AGBL1: variants seen among roughly 807,000 people sequenced by gnomAD.
AGBL1 encodes cytosolic carboxypeptidase 4.
AGBL1 carries 130 observed loss-of-function variants against 118.9 expected under a neutral mutation model. That is an observed-to-expected ratio of 1.09 (90% CI 0.95 to 1.26). The LOEUF is 1.26. Among genes scored for constraint, AGBL1 ranks in the 50% most tolerant of loss-of-function variants. The probability of loss-of-function intolerance (pLI) is 0.00; values close to 1 mark genes in which losing one functional copy is unlikely to be tolerated. For missense variants in AGBL1, 1,584 were observed against 1,298.1 expected (o/e 1.22, Z -3.38); for synonymous variants, 555 against 478.9 (o/e 1.16, Z -2.08).
At chr15:86,184,738 C>T (rs1366684004) in intron 5 of AGBL1, among the ~76,000 whole-genome samples, 1 of 152,110 alleles carries the variant, frequency 6.6e-6, no homozygotes, top group Non-Finnish European at 1.5e-5. Context: ...TCAATGCCAT[C>T]CTCATCAAGC....
At chr15:86,978,608 C>G (rs745573071) in intron 23 of AGBL1, among the ~76,000 whole-genome samples, 11 of 152,084 alleles carry the variant, frequency 7.2e-5, no homozygotes, top group African/African-American at 2.7e-4. Flanking sequence ...GAAACCTAGC[C>G]CCACCAAAGG....
rs75980506 is a variant in AGBL1, at chr15:86,994,311, CTA to C, written c.3323+6235_3323+6236del. On this transcript the variant is annotated intron_variant, in intron 24 of 24. Transcript: ENST00000441037. ...ACAACAAGGGAATATCTCTCTCTCTCTATATATATATATCCTGGCCTGTGATC... is the reference window on the plus strand; with the variant it reads ...ACAACAAGGGAATATCTCTCTCTCTCTATATATATATCCTGGCCTGTGATC... Among the ~76,000 whole-genome samples the C allele has an allele frequency of 7.0e-5, 10 of 143,448 alleles. No homozygotes were observed. In the South Asian group the frequency reaches 1.5e-3, roughly 22 times the overall value. The allele number at this position is 143,448 out of a possible 152,430, so 94.1% of individuals were successfully genotyped here. A position where few individuals can be genotyped will look rare whatever the true frequency, so the allele number is the denominator to read the frequency against.
At chr15:86,935,216 G>T (rs1348890948) in intron 23 of AGBL1, 1 of 152,126 alleles carries the variant, frequency 6.6e-6, no homozygotes, top group African/African-American at 2.4e-5. Flanking sequence ...GTCAGGTCTT[G>T]TTGTGACCCC....
intron 22 of AGBL1, among the ~76,000 whole-genome samples, chr15:86,777,139 T>C (rs2078268524): frequency 1.3e-5 from 2 of 152,086 alleles, no homozygotes; most frequent in African/African-American, 4.8e-5. Context: ...CCCAGCACCA[T>C]CACCAGTTTT....
At chr15:86,651,871 C>A (rs2085376659) in intron 21 of AGBL1, among the ~76,000 whole-genome samples, 1 of 152,190 alleles carries the variant, frequency 6.6e-6, no homozygotes, top group Non-Finnish European at 1.5e-5. Flanking sequence ...GTTGCCCCAT[C>A]TGAGACACTG....
chr15:86,265,567 C>T (rs1001713408), intron 11 of AGBL1, among the ~76,000 whole-genome samples: 4 of 152,188 alleles, frequency 2.6e-5, no homozygotes, highest in African/African-American at 4.8e-5. Context: ...TTATTATCCA[C>T]GTCATCTGTA....
intron 18 of AGBL1, among the ~76,000 whole-genome samples, chr15:86,464,608 T>C (rs1177208476): frequency 1.3e-5 from 2 of 152,178 alleles, no homozygotes; most frequent in Non-Finnish European, 2.9e-5. Context: ...TTTTGAGATA[T>C]GTTCCATCAA....
chr15:86,115,654 G>T (rs1235891652), intron 1 of AGBL1, among the ~76,000 whole-genome samples: 1 of 152,216 alleles, frequency 6.6e-6, no homozygotes, highest in Non-Finnish European at 1.5e-5. Flanking sequence ...TCTTCTCATT[G>T]GTGCCTCATT....
chr15:86,493,510 G>A (rs915826419), intron 18 of AGBL1, among the ~76,000 whole-genome samples: 1 of 152,014 alleles, frequency 6.6e-6, no homozygotes, highest in Non-Finnish European at 1.5e-5. Context: ...TACAGAGAAG[G>A]ACAACCTTTT....
rs984453459 is a variant in AGBL1 at position 86,452,688 on chromosome 15, G to A, written c.2555+55142G>A. Reference sequence around the variant, plus strand: ...CAACTCAGTGATGGTAAACACCAACGTTCTTACTGAATGAAACAAAATATT... The same window carrying A: ...CAACTCAGTGATGGTAAACACCAACATTCTTACTGAATGAAACAAAATATT... On this transcript the variant is annotated intron_variant, in intron 18 of 22. Transcript: ENST00000614907. 5.9e-5 allele frequency among the ~76,000 whole-genome samples: 9 copies of A among 152,218 alleles called. No individual in the cohort carries two copies. The South Asian group carries it at 1.9e-3, about 32-fold the overall frequency.
chr15:86,562,038 G>C (rs142776353), intron 21 of AGBL1, among the ~76,000 whole-genome samples: 3,630 of 152,250 alleles, frequency 0.024, 66 homozygotes, highest in Middle Eastern at 0.075. Context: ...TGCTTATCAG[G>C]TTAAGGAGAT....
At chr15:86,353,790 A>G (rs1331949089) in intron 17 of AGBL1, among the ~76,000 whole-genome samples, 2 of 152,206 alleles carry the variant, frequency 1.3e-5, no homozygotes, top group Non-Finnish European at 2.9e-5. Context: ...GAATGGGAGT[A>G]AAATTAGAAA....
intron 23 of AGBL1, among the ~76,000 whole-genome samples, chr15:86,976,071 A>G (rs965145042): frequency 9.9e-5 from 15 of 152,066 alleles, no homozygotes; most frequent in African/African-American, 3.4e-4. Context: ...TATTCATTGT[A>G]GAAAGTTTTA....
At chr15:86,529,819 A>G (rs1436581552) in intron 19 of AGBL1, among the ~76,000 whole-genome samples, 1 of 150,716 alleles carries the variant, frequency 6.6e-6, no homozygotes, top group East Asian at 1.9e-4. Flanking sequence ...TTCTTAAAGA[A>G]AAGAATTTTC....
chr15:86,261,556 C>G (rs2078984618), intron 9 of AGBL1, among the ~76,000 whole-genome samples: 1 of 152,138 alleles, frequency 6.6e-6, no homozygotes, highest in South Asian at 2.1e-4. Flanking sequence ...TGGATTTAAC[C>G]TTTCAGTACT....
chr15:86,636,491 AT>A (rs1221067928), intron 21 of AGBL1, among the ~76,000 whole-genome samples: 5 of 34,444 alleles, frequency 1.5e-4, no homozygotes, highest in African/African-American at 3.6e-4. Flanking sequence ...ATTCATCAAG[AT>A]AGTTTTTTTT....
chr15:86,668,418 G>C lies in AGBL1; in HGVS notation c.2995-5855G>C, dbSNP rs142967538. Among the ~76,000 whole-genome samples the C allele has an allele frequency of 6.7e-3, 1,020 of 152,094 alleles. 8 individuals carry two copies. Among genetic ancestry groups the C allele is most frequent in the East Asian group, 0.021 (108 of 5,182 alleles). On this transcript the variant is annotated intron_variant, in intron 21 of 22. Coordinates refer to ENST00000614907, the MANE Select transcript of AGBL1 (RefSeq NM_001386094.1). ...TTTCCTTTTTGTGCCTTTTAATGTA[G>C]TTTCACCAATGCAATATACTCATTT...
intron 5 of AGBL1, among the ~76,000 whole-genome samples, chr15:86,177,460 C>T (rs1402154710): frequency 6.6e-6 from 1 of 152,112 alleles, no homozygotes; most frequent in Admixed American, 6.5e-5. Flanking sequence ...AACTGATATT[C>T]ATAGGATACT....
intron 16 of AGBL1, among the ~76,000 whole-genome samples, chr15:86,283,548 G>T (rs982335316): frequency 1.3e-5 from 2 of 151,902 alleles, no homozygotes; most frequent in African/African-American, 4.8e-5. Flanking sequence ...GAAAAGAAAA[G>T]GAATTAGAAT....
Sources: allele counts gnomAD v4.1 joint callset (sites outside exome capture counted in the v4.1 genomes callset), GRCh38; gene constraint gnomAD v4.1.1; transcripts MANE v1.5; gene names NCBI Gene and HGNC (gene_info 2026-07-23, HGNC 2026-07-21).